IL1RAPL2: variants seen among roughly 807,000 people sequenced by gnomAD.
IL1RAPL2 encodes the protein X-linked interleukin-1 receptor accessory protein-like 2.
Under a neutral mutation model 44.1 loss-of-function variants are expected in IL1RAPL2, and 3 were observed. That is an observed-to-expected ratio of 0.07 (90% CI 0.03 to 0.18). The LOEUF (loss-of-function observed/expected upper bound fraction) is 0.18, where lower values mean the gene tolerates loss of function less well. Ranked by LOEUF, IL1RAPL2 falls within the 10% of genes least tolerant of loss-of-function variation. The pLI is 1.00. For synonymous variants in IL1RAPL2, 181 were observed against 178.8 expected, an observed-to-expected ratio of 1.01 and a Z score of -0.10; for missense variants, 391 against 496.4, an observed-to-expected ratio of 0.79 and a Z score of 2.02.
chrX:105,612,127 G>A (rs776317764), intron 6 of IL1RAPL2, among the ~76,000 whole-genome samples: 1 of 110,938 alleles, frequency 9.0e-6, no homozygotes, highest in East Asian at 2.8e-4. Flanking sequence ...TTGTTTTTAA[G>A]ACAGGGTCTC....
intron 2 of IL1RAPL2, among the ~76,000 whole-genome samples, chrX:104,946,404 A>C (rs1217280068): frequency 4.1e-5 from 4 of 96,561 alleles, no homozygotes; most frequent in African/African-American, 1.1e-4. Flanking sequence ...AAAAAAAAAA[A>C]AAAAACTTTT....
intron 4 of IL1RAPL2, among the ~76,000 whole-genome samples, chrX:105,253,141 C>A (rs2034284599): frequency 9.0e-6 from 1 of 111,603 alleles, no homozygotes; most frequent in African/African-American, 3.3e-5. Flanking sequence ...TTAAACATTT[C>A]TTCTTTTTCT....
At chrX:104,804,777 A>G (rs1484545262) in intron 2 of IL1RAPL2, among the ~76,000 whole-genome samples, 1 of 112,466 alleles carries the variant, frequency 8.9e-6, no homozygotes, top group Non-Finnish European at 1.9e-5. Context: ...CAACCACTCT[A>G]TTTAAGACCT....
chrX:104,602,327 C>T (rs1471551765), intron 1 of IL1RAPL2, among the ~76,000 whole-genome samples: 1 of 111,743 alleles, frequency 8.9e-6, no homozygotes, highest in African/African-American at 3.3e-5. Flanking sequence ...TATTCACAAC[C>T]CGCAAACCAG....
chrX:104,743,475 T>C (rs183734962), intron 2 of IL1RAPL2, among the ~76,000 whole-genome samples: 3 of 110,760 alleles, frequency 2.7e-5, no homozygotes, highest in African/African-American at 9.8e-5. Flanking sequence ...CCTTGGCTTA[T>C]ATAGTAATAA....
rs1223039739 is a variant in IL1RAPL2 at position 104,668,414 on chromosome X, G to A, written c.82+9419G>A. 4.7e-5 allele frequency among the ~76,000 whole-genome samples: 5 copies of A among 105,423 alleles called. No individual in the cohort carries two copies. The East Asian group carries it at 1.2e-3, about 26-fold the overall frequency. The allele number at this position is 105,423 out of a possible 115,157, so 91.5% of individuals were successfully genotyped here. On this transcript the variant is annotated intron_variant, in intron 2 of 10. Coordinates refer to ENST00000372582, the MANE Select transcript of IL1RAPL2 (RefSeq NM_017416.2). ...ATATGTATACATGTGCCATGCTGGT[G>A]TGCTGCACCCATTAACTCGTCATTT... is the stretch of plus-strand genomic sequence containing the variant.
At chrX:104,575,955 T>G (rs1049780489) in intron 1 of IL1RAPL2, among the ~76,000 whole-genome samples, 1 of 111,565 alleles carries the variant, frequency 9.0e-6, no homozygotes, top group African/African-American at 3.3e-5. Flanking sequence ...TTCCCTAACG[T>G]CTATTTCCTA....
At chrX:105,383,308 A>G (rs1602387027) in intron 5 of IL1RAPL2, among the ~76,000 whole-genome samples, 2 of 110,956 alleles carry the variant, frequency 1.8e-5, no homozygotes, top group East Asian at 5.7e-4. Flanking sequence ...TTCTCTATCT[A>G]CATGAAATCA....
intron 1 of IL1RAPL2, among the ~76,000 whole-genome samples, chrX:104,643,700 A>G (rs1481792796): frequency 1.8e-5 from 2 of 111,287 alleles, no homozygotes; most frequent in African/African-American, 6.5e-5. Flanking sequence ...GGGAGGGGAG[A>G]GAGATACTTG....
chrX:105,284,908 A>G (rs1026222216), intron 5 of IL1RAPL2, among the ~76,000 whole-genome samples: 10 of 111,820 alleles, frequency 8.9e-5, no homozygotes, highest in South Asian at 3.8e-4. Context: ...AGGTCTAATT[A>G]CTGGAGGGCC....
Position 104,732,326 on chromosome X carries a change from C to T in IL1RAPL2, c.82+73331C>T, listed in dbSNP as rs558721507. Among the ~76,000 whole-genome samples the T allele has an allele frequency of 3.6e-5, 4 of 111,525 alleles. No individual in the cohort carries two copies. The South Asian group carries it at 1.5e-3, about 42-fold the overall frequency. The stretch of plus-strand genomic sequence containing the variant: ...AAGAAATGATAGAGAATCAACAAAA[C>T]CAGCATTTGGTCTTTGAAATTATTA... On this transcript the variant is annotated intron_variant, in intron 2 of 10. Coordinates refer to ENST00000372582, the MANE Select transcript of IL1RAPL2 (RefSeq NM_017416.2).
chrX:104,701,049 G>A (rs1356772876), intron 2 of IL1RAPL2, among the ~76,000 whole-genome samples: 1 of 111,294 alleles, frequency 9.0e-6, no homozygotes, highest in Non-Finnish European at 1.9e-5. Flanking sequence ...AGGTTTAGCT[G>A]TAATAGAGGG....
intron 2 of IL1RAPL2, among the ~76,000 whole-genome samples, chrX:104,825,028 C>T (rs1181970336): frequency 4.5e-5 from 5 of 111,536 alleles, no homozygotes; most frequent in Non-Finnish European, 7.5e-5. Flanking sequence ...ACCCTATAGA[C>T]GAAATACATT....
chrX:104,796,054 G>A (rs1481878237), intron 2 of IL1RAPL2, among the ~76,000 whole-genome samples: 1 of 112,117 alleles, frequency 8.9e-6, no homozygotes, highest in African/African-American at 3.2e-5. Context: ...AGTCCTTGTG[G>A]CATTTGCAAG....
At chrX:105,348,908 G>T (rs1005884102) in intron 5 of IL1RAPL2, among the ~76,000 whole-genome samples, 1 of 111,760 alleles carries the variant, frequency 8.9e-6, no homozygotes, top group Non-Finnish European at 1.9e-5. Context: ...AGGGAGGCCT[G>T]AAGATTGGTT....
At chrX:104,974,732 G>A (rs1041239731) in intron 2 of IL1RAPL2, among the ~76,000 whole-genome samples, 1 of 112,352 alleles carries the variant, frequency 8.9e-6, no homozygotes, top group Non-Finnish European at 1.9e-5. Context: ...CTGCTTGTCT[G>A]CCACTGTGGG....
chrX:104,986,224 C>A (rs1360744492), intron 2 of IL1RAPL2, among the ~76,000 whole-genome samples: 3 of 111,939 alleles, frequency 2.7e-5, no homozygotes, highest in Non-Finnish European at 5.6e-5. Flanking sequence ...CTGACTGCTC[C>A]TCCAGGAATG....
intron 2 of IL1RAPL2, among the ~76,000 whole-genome samples, chrX:104,659,464 G>T (rs1232024289): frequency 8.9e-6 from 1 of 111,798 alleles, no homozygotes; most frequent in African/African-American, 3.2e-5. Flanking sequence ...AGAATTATTA[G>T]CTAATTGCCC....
At chrX:104,716,459 C>T (rs772333143) in intron 2 of IL1RAPL2, among the ~76,000 whole-genome samples, 1 of 111,341 alleles carries the variant, frequency 9.0e-6, no homozygotes, top group Admixed American at 9.5e-5. Flanking sequence ...AGCTTCTGCA[C>T]AGCAGAAGAA....
Sources: gnomAD v4.1 joint callset for allele counts (sites outside exome capture counted in the v4.1 genomes callset) on GRCh38, gnomAD v4.1.1 for gene constraint, MANE v1.5 for transcripts, NCBI Gene and HGNC (gene_info 2026-07-23, HGNC 2026-07-21) for gene names.